The following LRRK1 variants were observed in gnomAD, a reference collection of about 807,000 sequenced individuals.
The protein encoded by LRRK1 is leucine-rich repeat serine/threonine-protein kinase 1.
A neutral mutation model predicts 209.1 loss-of-function variants in LRRK1; 113 were observed. That is an observed-to-expected ratio of 0.54 (90% CI 0.46 to 0.63). The LOEUF is 0.63. LRRK1 is among the 30% of genes least tolerant of loss of function. The pLI, the probability that LRRK1 is intolerant of heterozygous loss-of-function variation, is 0.00. For missense variants in LRRK1, 2,284 were observed against 2,632.2 expected (o/e 0.87, Z 2.89); for synonymous variants, 1,144 against 1,099.7 (o/e 1.04, Z -0.80).
Position 100,924,561 on chromosome 15 carries a change from AC to A in LRRK1, c.-68del. ...TGGCTACGAGTCCACGCCTTAATGC[AC>A]CCCACAGCCAGCGGCAGTGGCAGTG... is the stretch of plus-strand genomic sequence containing the variant. On this transcript the variant is annotated 5_prime_UTR_variant, in exon 2 of 34. The change abolishes the stop of an existing upstream ORF in the 5' untranslated region. Transcript: ENST00000388948. The A allele has an allele frequency of 7.3e-7, 1 of 1,365,668 alleles. No individual in the cohort carries two copies. Among genetic ancestry groups the A allele is most frequent in the Non-Finnish European group, 1.0e-6 (1 of 956,866 alleles). 84.6% of individuals were successfully genotyped at this position (1,365,668 alleles called of 1,614,324 possible).
chr15:101,002,653 C>G (rs2032752683), intron 6 of LRRK1, among the ~76,000 whole-genome samples: 2 of 152,310 alleles, frequency 1.3e-5, no homozygotes, highest in African/African-American at 4.8e-5. Flanking sequence ...GGACTAGACA[C>G]AAATAAATAA....
chr15:100,927,655 C>T (rs892565104), intron 2 of LRRK1, among the ~76,000 whole-genome samples: 2 of 152,156 alleles, frequency 1.3e-5, no homozygotes, highest in Non-Finnish European at 2.9e-5. Flanking sequence ...GGAAGATAGC[C>T]TGAAACACCC....
Position 101,073,632 on chromosome 15 carries a change from C to T in LRRK1, c.*4784C>T, listed in dbSNP as rs554011954. On this transcript the variant is annotated 3_prime_UTR_variant, in exon 34 of 34. Transcript: ENST00000388948. ...GTGCCCCAATCCCTTATTTCCATGC[C>T]CCCACCTCTTATATCTCTGCACCTT... 1 of 152,174 alleles carries T rather than the reference C, an allele frequency of 6.6e-6. No homozygotes were observed. The highest frequency in any genetic ancestry group is 1.5e-5 in the Non-Finnish European group (1 of 68,028). 9.4% of individuals were successfully genotyped at this position (152,174 alleles called of 1,614,324 possible). A position where few individuals can be genotyped will look rare whatever the true frequency, so the allele number is the denominator to read the frequency against.
In LRRK1 at chr15:100,973,787, T is replaced by TGC. The variant is rs949700949; in HGVS notation, c.98-16_98-15dup. ...AGTGGGCGGTGACGCCGTGTGTGTG[T>TGC]GCTTCCTCCCGCGCAGGTGCCGGGG... On this transcript the variant is annotated splice_polypyrimidine_tract_variant and intron_variant, in intron 2 of 33. Transcript: ENST00000388948. 3 of 1,276,896 alleles carry TGC rather than the reference T, an allele frequency of 2.3e-6. No individual in the cohort carries two copies. Among genetic ancestry groups the TGC allele is most frequent in the South Asian group, 2.6e-5 (1 of 38,936 alleles). The allele number at this position is 1,276,896 out of a possible 1,614,324, so 79.1% of individuals were successfully genotyped here. A position where few individuals can be genotyped will look rare whatever the true frequency, so the allele number is the denominator to read the frequency against.
rs369410095 is a variant in LRRK1, at chr15:100,963,019, C to T, written c.98-10785C>T. 1.3e-4 allele frequency among the ~76,000 whole-genome samples: 19 copies of T among 150,184 alleles called. No homozygotes were observed. The East Asian group carries it at 1.6e-3, about 12-fold the overall frequency. On this transcript the variant is annotated intron_variant, in intron 2 of 33. Coordinates refer to ENST00000388948, the MANE Select transcript of LRRK1 (RefSeq NM_024652.6). Reference sequence around the variant, plus strand: ...TGTATTTTTAGTAGAGATGGGGTTTCGCCATGTTAGCCAGGCTGGTCTTGA... The same window carrying T: ...TGTATTTTTAGTAGAGATGGGGTTTTGCCATGTTAGCCAGGCTGGTCTTGA...
intron 2 of LRRK1, among the ~76,000 whole-genome samples, chr15:100,954,588 A>AT (rs1248411420): frequency 3.3e-5 from 5 of 151,844 alleles, no homozygotes; most frequent in Non-Finnish European, 7.4e-5. Context: ...TGTCAAGGAG[A>AT]TTTTTTCCTA....
At chr15:101,010,400 G>A in intron 7 of LRRK1, 50 bp from the exon 8 acceptor site, 6 of 1,566,482 alleles carry the variant, frequency 3.8e-6, no homozygotes, top group South Asian at 1.2e-5. Flanking sequence ...TGTAAATTTG[G>A]TGTTTTCCCT....
intron 2 of LRRK1, among the ~76,000 whole-genome samples, chr15:100,954,983 T>C (rs542137001): frequency 2.6e-5 from 4 of 151,316 alleles, no homozygotes; most frequent in Admixed American, 6.6e-5. Context: ...CTTTGGCTAA[T>C]TGGGGGTCGT....
In LRRK1 at chr15:101,058,102, A is replaced by C; in HGVS notation, c.4640A>C (p.Glu1547Ala). 1.2e-6 allele frequency: 2 copies of C among 1,614,178 alleles called. No individual in the cohort carries two copies. Among genetic ancestry groups the C allele is most frequent in the Non-Finnish European group, 8.5e-7 (1 of 1,180,026 alleles). The change falls in exon 29 of 34, where the codon GAG becomes GCG. Residue 1547 changes from glutamate to alanine, a missense_variant. Physicochemically the swap from Glu to Ala is moderately radical, Grantham distance 107. Transcript: ENST00000388948. ...GCCTTCTTCTCATCCCAGGGCCAGG[A>C]GTACACCGTGGTGTTTTGGGATGGA... ...QTAFFSSQGQ[E>A]YTVVFWDGKE...
chr15:101,049,365 C>T (rs1039546776), intron 22 of LRRK1: 5 of 357,654 alleles, frequency 1.4e-5, no homozygotes, highest in African/African-American at 6.3e-5. Flanking sequence ...TCAGGGAGGT[C>T]TGGGAACTTC....
chr15:100,996,693 G>C (rs1011749584), intron 6 of LRRK1, among the ~76,000 whole-genome samples: 1 of 152,160 alleles, frequency 6.6e-6, no homozygotes, highest in Non-Finnish European at 1.5e-5. Flanking sequence ...GGGTAGCCAG[G>C]GTCACGTGGC....
At chr15:101,059,151 A>G (rs1333115111) in intron 29 of LRRK1, among the ~76,000 whole-genome samples, 1 of 152,168 alleles carries the variant, frequency 6.6e-6, no homozygotes, top group Admixed American at 6.5e-5. Flanking sequence ...GCACTTTAGG[A>G]GGCTGAGGCA....
intron 12 of LRRK1, among the ~76,000 whole-genome samples, chr15:101,016,189 C>G (rs540780925): frequency 6.6e-6 from 1 of 152,064 alleles, no homozygotes; most frequent in Non-Finnish European, 1.5e-5. Context: ...CCACTGTGCC[C>G]GGCCCCTCTT....
intron 2 of LRRK1, among the ~76,000 whole-genome samples, chr15:100,964,041 T>C (rs2030283926): frequency 6.6e-6 from 1 of 152,194 alleles, no homozygotes; most frequent in African/African-American, 2.4e-5. Flanking sequence ...ATCCACAAAA[T>C]GGTAATCTAT....
intron 6 of LRRK1, among the ~76,000 whole-genome samples, chr15:100,993,556 G>T (rs2032262981): frequency 6.6e-6 from 1 of 152,166 alleles, no homozygotes; most frequent in South Asian, 2.1e-4. Flanking sequence ...CTCTGTCCTT[G>T]AAATTGAGTT....
chr15:100,964,907 A>G (rs1385353458), intron 2 of LRRK1, among the ~76,000 whole-genome samples: 1 of 152,206 alleles, frequency 6.6e-6, no homozygotes, highest in Non-Finnish European at 1.5e-5. Flanking sequence ...AGGGAAAAAA[A>G]ACAGTACAAA....
At chr15:101,006,382 AAAAAAAAAAAG>A (rs1217797482) in intron 6 of LRRK1, among the ~76,000 whole-genome samples, 7 of 150,090 alleles carry the variant, frequency 4.7e-5, no homozygotes, top group Admixed American at 1.3e-4. Flanking sequence ...TAAAAAAAAA[AAAAAAAAAAAG>A]AAAAGGCATT....
At chr15:100,941,300 CTA>C (rs879807162) in intron 2 of LRRK1, among the ~76,000 whole-genome samples, 14,824 of 46,930 alleles carry the variant, frequency 0.32, 1,282 homozygotes, top group Middle Eastern at 0.37. Context: ...CTGTGTGTGT[CTA>C]TGTGTGTGTG....
Position 100,973,882 on chromosome 15 carries a change from G to T in LRRK1, c.176G>T (p.Arg59Leu). The stretch of plus-strand genomic sequence containing the variant: ...CGGTCCCGCAGGACGGAAGGCATCC[G>T]CGCCGCGTACAGGCGGGGAGACCGC... ...AARSRRTEGI[R>L]AAYRRGDRGG... is the part of the protein sequence containing the mutation. The change falls in exon 3 of 34, where the codon CGC becomes CTC. Residue 59 changes from arginine (R) to leucine (L), a missense_variant. Arg to Leu is a moderately radical substitution (Grantham distance 102, BLOSUM62 -2). Transcript: ENST00000388948. The T allele has an allele frequency of 7.8e-7, 1 of 1,279,784 alleles. No individual in the cohort carries two copies. 79.3% of individuals were successfully genotyped at this position (1,279,784 alleles called of 1,614,324 possible).
Sources: gnomAD v4.1 joint callset for allele counts (sites outside exome capture counted in the v4.1 genomes callset) on GRCh38, gnomAD v4.1.1 for gene constraint, MANE v1.5 for transcripts, NCBI Gene and HGNC (gene_info 2026-07-23, HGNC 2026-07-21) for gene names.